The following TPRG1 variants were observed in gnomAD, a reference collection of about 807,000 sequenced individuals.
TPRG1 encodes the protein tumor protein p63 regulated 1.
TPRG1 carries 29 observed loss-of-function variants against 29.3 expected under a neutral mutation model. The ratio of observed to expected loss-of-function variants is 0.99; its 90% CI spans 0.74 to 1.35. The LOEUF (loss-of-function observed/expected upper bound fraction) is 1.35, where lower values mean the gene tolerates loss of function less well. Among genes scored for constraint, TPRG1 ranks in the 40% most tolerant of loss-of-function variants. TPRG1 has a pLI of 0.00. For missense variants in TPRG1, 327 were observed against 335.0 expected, an observed-to-expected ratio of 0.98 and a Z score of 0.19; for synonymous variants, 130 against 116.8, an observed-to-expected ratio of 1.11 and a Z score of -0.73.
intron 2 of TPRG1, among the ~76,000 whole-genome samples, chr3:189,130,727 T>C (rs916303861): frequency 4.6e-5 from 7 of 152,156 alleles, no homozygotes; most frequent in African/African-American, 1.7e-4. Flanking sequence ...ATGTGAAGAG[T>C]ACCAATGTCT....
chr3:189,299,930 T>C (rs73056002), intron 4 of TPRG1, among the ~76,000 whole-genome samples: 2,952 of 152,306 alleles, frequency 0.019, 60 homozygotes, highest in East Asian at 0.074. Context: ...AGGTTGTGTA[T>C]CTGGCTGAGA....
chr3:189,236,895 G>C (rs921217853), intron 3 of TPRG1, among the ~76,000 whole-genome samples: 1 of 152,068 alleles, frequency 6.6e-6, no homozygotes, highest in African/African-American at 2.4e-5. Flanking sequence ...CTGTGAAGTG[G>C]TACATAATTG....
chr3:189,022,771 C>T lies in TPRG1; in HGVS notation c.-659-979C>T, dbSNP rs9842428. 3.9e-3 allele frequency among the ~76,000 whole-genome samples: 591 copies of T among 152,342 alleles called. 3 individuals are homozygous for T. Among genetic ancestry groups the T allele is most frequent in the Admixed American group, 0.011 (174 of 15,312 alleles). On this transcript the variant is annotated intron_variant, in intron 3 of 10. Transcript: ENST00000433971. ...CAGGCTCCACCCAGTTGGAACTTCC[C>T]GGCTGCTTTGTTTACCTAATCAAGC...
intron 4 of TPRG1, among the ~76,000 whole-genome samples, chr3:189,075,046 C>T (rs1717066734): frequency 6.6e-6 from 1 of 152,102 alleles, no homozygotes; most frequent in Non-Finnish European, 1.5e-5. Flanking sequence ...CTCCTGACCT[C>T]GTGATCCACC....
intron 4 of TPRG1, among the ~76,000 whole-genome samples, chr3:189,282,149 T>TATTTGC (rs1395415566): frequency 7.8e-6 from 1 of 128,874 alleles, no homozygotes; most frequent in Non-Finnish European, 1.5e-5. Flanking sequence ...GGTTTTTAAA[T>TATTTGC]ATTTGCAAAT....
At chr3:189,129,445 A>G (rs1722860334) in intron 2 of TPRG1, among the ~76,000 whole-genome samples, 1 of 152,162 alleles carries the variant, frequency 6.6e-6, no homozygotes, top group African/African-American at 2.4e-5. Context: ...CTTGGTTAAG[A>G]TGGCATCTGC....
chr3:189,055,016 G>A (rs987484033), intron 4 of TPRG1, among the ~76,000 whole-genome samples: 1 of 152,178 alleles, frequency 6.6e-6, no homozygotes, highest in Non-Finnish European at 1.5e-5. Context: ...GCATTAAAAT[G>A]AGGTATGTGT....
At position 189,102,693 on chromosome 3, in the gene TPRG1, CTGTT is replaced by C. The variant is rs548766094; in HGVS notation, c.-744+2495_-744+2498del. Among the ~76,000 whole-genome samples, 103 of 152,266 alleles carry C rather than the reference CTGTT, an allele frequency of 6.8e-4. 2 individuals carry two copies. The Middle Eastern group carries it at 0.024, about 35-fold the overall frequency. ...AAGAAGGAATCAGACGATGTTCATT[CTGTT>C]TGTTTTAAATTCTTCCATGGTTCCC... On this transcript the variant is annotated intron_variant, in intron 1 of 6. Coordinates refer to the TPRG1 transcript ENST00000412373.
chr3:189,100,404 C>T (rs531483292), intron 1 of TPRG1, among the ~76,000 whole-genome samples: 61 of 152,306 alleles, frequency 4.0e-4, no homozygotes, highest in Middle Eastern at 3.4e-3. Flanking sequence ...TCCAATCTCA[C>T]CTCCTCCAAG....
chr3:189,177,097 G>A (rs756762121), intron 1 of TPRG1, among the ~76,000 whole-genome samples: 18 of 152,270 alleles, frequency 1.2e-4, no homozygotes, highest in Non-Finnish European at 2.2e-4. Context: ...GCTTGGATGA[G>A]GATGTAGCTG....
At position 189,216,720 on chromosome 3, in the gene TPRG1, T is replaced by A. The variant is rs1011521098; in HGVS notation, c.302+1337T>A. Among the ~76,000 whole-genome samples the A allele has an allele frequency of 1.9e-4, 29 of 152,234 alleles. 1 individual carries two copies. Among genetic ancestry groups the A allele is most frequent in the African/African-American group, 7.0e-4 (29 of 41,476 alleles). On this transcript the variant is annotated intron_variant, in intron 3 of 5. Transcript: ENST00000345063. Reference sequence around the variant, plus strand: ...CCTTCATTTCTATACTATCCATCTCTGTCATTTCTGGGTTACCTCTAATGA... The same window carrying A: ...CCTTCATTTCTATACTATCCATCTCAGTCATTTCTGGGTTACCTCTAATGA...
At chr3:189,112,777 A>G (rs1263746477) in intron 1 of TPRG1, among the ~76,000 whole-genome samples, 2 of 152,176 alleles carry the variant, frequency 1.3e-5, no homozygotes, top group African/African-American at 2.4e-5. Context: ...TGGTTACCGT[A>G]GCCTTGTAGT....
At chr3:189,315,675 A>G in intron 5 of TPRG1, 2 of 323,916 alleles carry the variant, frequency 6.2e-6, no homozygotes, top group South Asian at 4.8e-5. Flanking sequence ...TAGCAATTAA[A>G]TTTAACTTTA....
chr3:189,153,331 A>G (rs1024239425), intron 5 of TPRG1, among the ~76,000 whole-genome samples: 2 of 152,230 alleles, frequency 1.3e-5, no homozygotes, highest in Non-Finnish European at 2.9e-5. Flanking sequence ...CATGTGGTTT[A>G]TTGAGTTTAC....
chr3:189,257,493 G>C (rs1560613849), intron 4 of TPRG1, among the ~76,000 whole-genome samples: 1 of 151,826 alleles, frequency 6.6e-6, no homozygotes, highest in African/African-American at 2.4e-5. Context: ...TTGGGGTTGC[G>C]CTTCTCGAGG....
intron 4 of TPRG1, among the ~76,000 whole-genome samples, chr3:189,042,949 C>T (rs760951154): frequency 8.5e-5 from 13 of 152,124 alleles, no homozygotes; most frequent in Non-Finnish European, 1.6e-4. Context: ...ACAGCTGAAA[C>T]AAGCTAGAGT....
intron 1 of TPRG1, among the ~76,000 whole-genome samples, chr3:189,200,130 T>A (rs1326660274): frequency 6.6e-6 from 1 of 152,186 alleles, no homozygotes; most frequent in East Asian, 1.9e-4. Flanking sequence ...GTCGAAGCAC[T>A]TTATAGCAGA....
At chr3:189,136,671 A>G (rs1723784952) in intron 3 of TPRG1, among the ~76,000 whole-genome samples, 1 of 151,940 alleles carries the variant, frequency 6.6e-6, no homozygotes. Context: ...CCTGCCTCTC[A>G]CTCTCGTTAC....
chr3:189,207,971 T>G (rs1010501988), intron 2 of TPRG1, among the ~76,000 whole-genome samples: 1 of 152,140 alleles, frequency 6.6e-6, no homozygotes, highest in African/African-American at 2.4e-5. Flanking sequence ...GGAAAAGATA[T>G]GGATAATGGA....
Sources: gnomAD v4.1 joint callset for allele counts (sites outside exome capture counted in the v4.1 genomes callset) on GRCh38, gnomAD v4.1.1 for gene constraint, MANE v1.5 for transcripts, NCBI Gene and HGNC (gene_info 2026-07-23, HGNC 2026-07-21) for gene names.